Variants in FILIP1L observed in about 807,000 individuals in gnomAD.
FILIP1L encodes filamin A interacting protein 1 like.
Under a neutral mutation model 96.6 loss-of-function variants are expected in FILIP1L, and 55 were observed. That is an observed-to-expected ratio of 0.57 (90% CI 0.46 to 0.71). FILIP1L has a LOEUF of 0.71. Ranked by LOEUF, FILIP1L falls within the 30% of genes least tolerant of loss-of-function variation. FILIP1L has a pLI of 0.00. For missense variants in FILIP1L, 1,304 were observed against 1,321.2 expected (o/e 0.99, Z 0.20); for synonymous variants, 467 against 473.9 (o/e 0.99, Z 0.19).
chr3:100,048,982 A>G (rs1291061228), intron 1 of FILIP1L, among the ~76,000 whole-genome samples: 7 of 152,218 alleles, frequency 4.6e-5, no homozygotes, highest in Non-Finnish European at 1.0e-4. Context: ...TCTATTTTCA[A>G]ACCTAATGGA....
chr3:100,085,193 G>A (rs2065988742), intron 1 of FILIP1L, among the ~76,000 whole-genome samples: 1 of 152,116 alleles, frequency 6.6e-6, no homozygotes, highest in Admixed American at 6.5e-5. Context: ...AGTATCTAAG[G>A]TGATTATACC....
At chr3:99,901,503 T>C (rs1415645804) in intron 4 of FILIP1L, among the ~76,000 whole-genome samples, 1 of 152,224 alleles carries the variant, frequency 6.6e-6, no homozygotes, top group Non-Finnish European at 1.5e-5. Flanking sequence ...ATTGAGTGTT[T>C]CAAATTATGT....
chr3:100,018,577 C>T (rs1035582710), intron 1 of FILIP1L, among the ~76,000 whole-genome samples: 17 of 152,042 alleles, frequency 1.1e-4, no homozygotes, highest in Middle Eastern at 3.4e-3. Flanking sequence ...AAGACTAAAA[C>T]TTAAGGCTGA....
intron 4 of FILIP1L, among the ~76,000 whole-genome samples, chr3:99,906,897 T>C (rs1706635407): frequency 6.6e-6 from 1 of 152,200 alleles, no homozygotes; most frequent in Non-Finnish European, 1.5e-5. Flanking sequence ...AACAGAGATA[T>C]GGTAGAGTTT....
At chr3:100,055,374 C>G (rs1208545211) in intron 1 of FILIP1L, among the ~76,000 whole-genome samples, 2 of 152,144 alleles carry the variant, frequency 1.3e-5, no homozygotes, top group African/African-American at 4.8e-5. Context: ...ATCAAGGTGA[C>G]TGTATGATCC....
At chr3:99,927,731 T>TA (rs901517670) in intron 3 of FILIP1L, among the ~76,000 whole-genome samples, 6 of 152,098 alleles carry the variant, frequency 3.9e-5, no homozygotes, top group Non-Finnish European at 4.4e-5. Flanking sequence ...AATTTTTTTT[T>TA]AAAATTAAGT....
At chr3:100,079,805 T>C (rs2065903599) in intron 1 of FILIP1L, among the ~76,000 whole-genome samples, 1 of 150,590 alleles carries the variant, frequency 6.6e-6, no homozygotes, top group Non-Finnish European at 1.5e-5. Flanking sequence ...CTCATTACTC[T>C]CATGATAACC....
At chr3:99,946,853 G>A (rs1313934381) in intron 1 of FILIP1L, among the ~76,000 whole-genome samples, 7 of 152,194 alleles carry the variant, frequency 4.6e-5, no homozygotes, top group African/African-American at 1.7e-4. Flanking sequence ...TTGCCAATAG[G>A]CACTGTCTCC....
intron 1 of FILIP1L, among the ~76,000 whole-genome samples, chr3:100,097,852 T>G (rs2066237734): frequency 6.6e-6 from 1 of 152,228 alleles, no homozygotes; most frequent in East Asian, 1.9e-4. Context: ...ACCTTCTAAG[T>G]TGCAATGGCT....
At chr3:100,083,279 T>G (rs1432804381) in intron 1 of FILIP1L, among the ~76,000 whole-genome samples, 1 of 152,256 alleles carries the variant, frequency 6.6e-6, no homozygotes, top group Non-Finnish European at 1.5e-5. Context: ...TTATTTGTTT[T>G]TATCTTGACC....
At chr3:99,937,080 G>A (rs1707701712) in intron 1 of FILIP1L, among the ~76,000 whole-genome samples, 1 of 152,092 alleles carries the variant, frequency 6.6e-6, no homozygotes, top group Non-Finnish European at 1.5e-5. Flanking sequence ...TGGGATTACA[G>A]GCGCCTGCCA....
chr3:99,915,424 A>G (rs1356564540), intron 4 of FILIP1L, among the ~76,000 whole-genome samples: 6 of 152,206 alleles, frequency 3.9e-5, no homozygotes, highest in African/African-American at 1.4e-4. Flanking sequence ...ACTTTAGACA[A>G]GAAGATGCAA....
At chr3:100,059,618 G>C (rs1271805579) in intron 1 of FILIP1L, among the ~76,000 whole-genome samples, 1 of 152,206 alleles carries the variant, frequency 6.6e-6, no homozygotes, top group Non-Finnish European at 1.5e-5. Context: ...TTGTGAGCCA[G>C]AAGGCGGGGG....
At chr3:99,973,242 T>C (rs1242150435) in intron 1 of FILIP1L, among the ~76,000 whole-genome samples, 1 of 152,188 alleles carries the variant, frequency 6.6e-6, no homozygotes, top group African/African-American at 2.4e-5. Context: ...ATTTTTTTTC[T>C]CTTCTTGTGA....
At chr3:100,019,459 A>T (rs1225591633) in intron 1 of FILIP1L, among the ~76,000 whole-genome samples, 1 of 152,236 alleles carries the variant, frequency 6.6e-6, no homozygotes, top group South Asian at 2.1e-4. Context: ...GATGACATTT[A>T]AAAAATAATC....
At chr3:99,869,403 A>T (rs1434024752) in intron 4 of FILIP1L, among the ~76,000 whole-genome samples, 1 of 152,230 alleles carries the variant, frequency 6.6e-6, no homozygotes, top group Non-Finnish European at 1.5e-5. Context: ...CAAGAATAAT[A>T]TGCGACTTCA....
At chr3:99,955,284 A>G (rs1000712308) in intron 1 of FILIP1L, among the ~76,000 whole-genome samples, 6 of 152,238 alleles carry the variant, frequency 3.9e-5, no homozygotes, top group Non-Finnish European at 8.8e-5. Context: ...CTTAGTAAAG[A>G]CTTTGATTTT....
At chr3:100,085,250 A>G (rs2065989874) in intron 1 of FILIP1L, among the ~76,000 whole-genome samples, 1 of 152,220 alleles carries the variant, frequency 6.6e-6, no homozygotes, top group Non-Finnish European at 1.5e-5. Flanking sequence ...AATATTTTAG[A>G]ACAGCTTATT....
In FILIP1L at chr3:99,828,818, C is replaced by T. The variant is rs1483522554; in HGVS notation, c.*1596G>A. Among the ~76,000 whole-genome samples, 1 of 152,040 alleles carries T rather than the reference C, an allele frequency of 6.6e-6. No homozygotes were observed. Among genetic ancestry groups the T allele is most frequent in the Non-Finnish European group, 1.5e-5 (1 of 67,998 alleles). ...TCTTCCTGCTTTCCTTTCACTTCGA[C>T]TTTTCCATTTCAGGCTTTTAATTCA... On this transcript the variant is annotated 3_prime_UTR_variant, in exon 6 of 6. Transcript: ENST00000477258.
Sources: allele counts gnomAD v4.1 joint callset (sites outside exome capture counted in the v4.1 genomes callset), GRCh38; gene constraint gnomAD v4.1.1; transcripts MANE v1.5; gene names NCBI Gene and HGNC (gene_info 2026-07-23, HGNC 2026-07-21).